CNTNAP5: variants seen among roughly 807,000 people sequenced by gnomAD.
CNTNAP5 encodes contactin-associated protein-like 5.
Under a neutral mutation model 150.2 loss-of-function variants are expected in CNTNAP5, and 72 were observed. The observed-to-expected ratio is 0.48, with a 90% CI of 0.40 to 0.58. The LOEUF (loss-of-function observed/expected upper bound fraction) is 0.58. CNTNAP5 is among the 20% of genes least tolerant of loss of function. CNTNAP5 has a pLI of 0.00. For synonymous variants in CNTNAP5, 672 were observed against 619.8 expected (o/e 1.08, Z -1.25); for missense variants, 1,636 against 1,626.2 (o/e 1.01, Z -0.10).
At chr2:124,650,332 C>T (rs183953593) in intron 13 of CNTNAP5, among the ~76,000 whole-genome samples, 16 of 152,254 alleles carry the variant, frequency 1.1e-4, no homozygotes, top group African/African-American at 3.4e-4. Flanking sequence ...CAGACAGTCC[C>T]GTAGAGGTGT....
chr2:124,617,209 C>CT (rs1017155056), intron 12 of CNTNAP5, among the ~76,000 whole-genome samples: 5 of 150,370 alleles, frequency 3.3e-5, no homozygotes, highest in African/African-American at 1.2e-4. Flanking sequence ...CAAATCTTCA[C>CT]TTTTTTTTTA....
intron 1 of CNTNAP5, among the ~76,000 whole-genome samples, chr2:124,123,245 G>T (rs527948707): frequency 2.0e-5 from 3 of 152,288 alleles, no homozygotes; most frequent in Admixed American, 2.0e-4. Context: ...GGCACACCAG[G>T]AGATTATATC....
At chr2:124,372,359 G>A (rs963167728) in intron 3 of CNTNAP5, among the ~76,000 whole-genome samples, 8 of 152,024 alleles carry the variant, frequency 5.3e-5, no homozygotes, top group African/African-American at 9.7e-5. Context: ...CTTGCAGACC[G>A]CCTATGGTGG....
chr2:124,285,834 G>A (rs1688136793), intron 3 of CNTNAP5, among the ~76,000 whole-genome samples: 1 of 151,582 alleles, frequency 6.6e-6, no homozygotes, highest in Non-Finnish European at 1.5e-5. Context: ...CGAAAAACAA[G>A]AAGAAGAAAA....
chr2:124,057,973 A>C (rs554501039), intron 1 of CNTNAP5, among the ~76,000 whole-genome samples: 1 of 152,140 alleles, frequency 6.6e-6, no homozygotes, highest in African/African-American at 2.4e-5. Context: ...TGTAACCACA[A>C]AAATTAGATT....
At chr2:124,818,103 A>T (rs1018761080) in intron 19 of CNTNAP5, among the ~76,000 whole-genome samples, 8 of 152,300 alleles carry the variant, frequency 5.3e-5, no homozygotes, top group Admixed American at 3.3e-4. Flanking sequence ...ATGCTGGGAT[A>T]TATGACATGG....
chr2:124,385,923 T>TGGCTA (rs1690915888), intron 3 of CNTNAP5, among the ~76,000 whole-genome samples: 1 of 152,210 alleles, frequency 6.6e-6, no homozygotes, highest in Non-Finnish European at 1.5e-5. Context: ...TTCGGCCGTT[T>TGGCTA]GGCTATGGAT....
chr2:124,899,751 T>C (rs1678377996), intron 21 of CNTNAP5, among the ~76,000 whole-genome samples: 1 of 151,348 alleles, frequency 6.6e-6, no homozygotes, highest in Non-Finnish European at 1.5e-5. Context: ...ATCCATTCTC[T>C]AACACAGCAC....
At position 124,255,095 on chromosome 2, in the gene CNTNAP5, T is replaced by C. The variant is rs116577671; in HGVS notation, c.381+12702T>C. Reference sequence around the variant, plus strand: ...TAACAGATTTTGTACTAGAAGAGAATAGGAATAAGCAGCCAGGTGTGGTGG... The same window carrying C: ...TAACAGATTTTGTACTAGAAGAGAACAGGAATAAGCAGCCAGGTGTGGTGG... On this transcript the variant is annotated intron_variant, in intron 3 of 23. Coordinates refer to ENST00000682447, the MANE Select transcript of CNTNAP5 (RefSeq NM_001367498.1). Among the ~76,000 whole-genome samples the C allele has an allele frequency of 1.8e-3, 273 of 152,170 alleles. 2 individuals are homozygous for C. Among genetic ancestry groups the C allele is most frequent in the African/African-American group, 6.4e-3 (267 of 41,526 alleles).
chr2:124,395,857 T>C (rs1425589987), intron 3 of CNTNAP5, among the ~76,000 whole-genome samples: 4 of 152,174 alleles, frequency 2.6e-5, no homozygotes, highest in Non-Finnish European at 5.9e-5. Flanking sequence ...ATTTTAAAGT[T>C]GGGCAAATGC....
At position 124,308,189 on chromosome 2, in the gene CNTNAP5, G is replaced by A. The variant is rs1283815280; in HGVS notation, c.381+65796G>A. 3.9e-5 allele frequency among the ~76,000 whole-genome samples: 6 copies of A among 152,172 alleles called. No individual in the cohort carries two copies. In the South Asian group the frequency reaches 1.0e-3, roughly 26 times the overall value. ...AAAGTTACTTTTCATTGCTAATATT[G>A]GAAGACTTTTTTTTTGTAAGAAAGT... On this transcript the variant is annotated intron_variant, in intron 3 of 23. Coordinates refer to ENST00000682447, the MANE Select transcript of CNTNAP5 (RefSeq NM_001367498.1).
At chr2:124,649,517 G>A (rs1349854495) in intron 13 of CNTNAP5, among the ~76,000 whole-genome samples, 1 of 152,066 alleles carries the variant, frequency 6.6e-6, no homozygotes, top group Non-Finnish European at 1.5e-5. Context: ...ACTTCTTTTA[G>A]GATACGCACT....
chr2:124,254,210 C>T (rs889397841), intron 3 of CNTNAP5, among the ~76,000 whole-genome samples: 1 of 152,164 alleles, frequency 6.6e-6, no homozygotes, highest in East Asian at 1.9e-4. Context: ...AACTTGAATG[C>T]TGACCAAGAC....
At chr2:124,388,702 CTTTTGTTTTT>C (rs1690998392) in intron 3 of CNTNAP5, among the ~76,000 whole-genome samples, 1 of 151,870 alleles carries the variant, frequency 6.6e-6, no homozygotes, top group Admixed American at 6.6e-5. Context: ...CTTTTCTTTT[CTTTTGTTTTT>C]GAGATGGAGT....
intron 3 of CNTNAP5, among the ~76,000 whole-genome samples, chr2:124,326,498 T>C (rs1451155300): frequency 6.6e-6 from 1 of 152,168 alleles, no homozygotes; most frequent in Non-Finnish European, 1.5e-5. Flanking sequence ...AATATTTTAT[T>C]AGAAAGTAAG....
At chr2:124,203,726 C>A (rs760511162) in intron 1 of CNTNAP5, among the ~76,000 whole-genome samples, 2 of 152,192 alleles carry the variant, frequency 1.3e-5, no homozygotes, top group Non-Finnish European at 2.9e-5. Context: ...ATGAGCTTTA[C>A]GTTGGCCCTT....
intron 4 of CNTNAP5, among the ~76,000 whole-genome samples, chr2:124,421,419 T>C (rs764160926): frequency 5.5e-4 from 84 of 152,200 alleles, no homozygotes; most frequent in Non-Finnish European, 9.7e-4. Flanking sequence ...GCAGCCTTTG[T>C]TCTTCCTTCT....
intron 1 of CNTNAP5, among the ~76,000 whole-genome samples, chr2:124,079,336 C>T (rs1309437243): frequency 6.6e-6 from 1 of 152,188 alleles, no homozygotes; most frequent in Non-Finnish European, 1.5e-5. Context: ...TCCAAGAAAG[C>T]CCAGCACTTT....
chr2:124,675,706 T>A (rs1348420416), intron 13 of CNTNAP5, among the ~76,000 whole-genome samples: 1 of 152,186 alleles, frequency 6.6e-6, no homozygotes, highest in Non-Finnish European at 1.5e-5. Flanking sequence ...CTAATACAGT[T>A]TAGTATGTAC....
Sources: gnomAD v4.1 joint callset for allele counts (sites outside exome capture counted in the v4.1 genomes callset) on GRCh38, gnomAD v4.1.1 for gene constraint, MANE v1.5 for transcripts, NCBI Gene and HGNC (gene_info 2026-07-23, HGNC 2026-07-21) for gene names.